NPAS3: variants seen among roughly 807,000 people sequenced by gnomAD.
NPAS3 encodes the protein neuronal PAS domain-containing protein 3.
A neutral mutation model predicts 73.1 loss-of-function variants in NPAS3; 14 were observed. The observed-to-expected ratio is 0.19, with a 90% CI of 0.13 to 0.30. NPAS3 has a LOEUF of 0.30. Among genes scored for constraint, NPAS3 ranks in the 10% least tolerant of loss-of-function variants. NPAS3 has a pLI of 1.00. For synonymous variants in NPAS3, 620 were observed against 541.5 expected (o/e 1.14, Z -2.01); for missense variants, 1,096 against 1,250.0 (o/e 0.88, Z 1.86).
intron 4 of NPAS3, among the ~76,000 whole-genome samples, chr14:33,433,730 C>A (rs1177218078): frequency 6.6e-6 from 1 of 152,216 alleles, no homozygotes; most frequent in African/African-American, 2.4e-5. Flanking sequence ...AATAGCTCAT[C>A]TTTCAGACTT....
chr14:33,073,397 G>A (rs1214009511), intron 2 of NPAS3, among the ~76,000 whole-genome samples: 1 of 152,120 alleles, frequency 6.6e-6, no homozygotes, highest in Non-Finnish European at 1.5e-5. Flanking sequence ...GAGTTAAAAA[G>A]GTAGAACTCT....
intron 3 of NPAS3, among the ~76,000 whole-genome samples, chr14:33,228,973 A>C (rs2047741457): frequency 6.6e-6 from 1 of 152,170 alleles, no homozygotes; most frequent in Non-Finnish European, 1.5e-5. Context: ...CCAGGTCTAT[A>C]TTTTAGATAT....
At chr14:33,319,456 G>T (rs898627856) in intron 3 of NPAS3, among the ~76,000 whole-genome samples, 1 of 152,032 alleles carries the variant, frequency 6.6e-6, no homozygotes. Context: ...GTATAATGGC[G>T]AGTAAGAGAC....
chr14:33,521,780 A>G (rs186453523), intron 4 of NPAS3, among the ~76,000 whole-genome samples: 114 of 152,270 alleles, frequency 7.5e-4, no homozygotes, highest in Non-Finnish European at 3.8e-4. Context: ...TACACAAAAG[A>G]TGTGCCTTCT....
At chr14:33,784,633 C>T (rs904424739) in intron 9 of NPAS3, among the ~76,000 whole-genome samples, 1 of 152,004 alleles carries the variant, frequency 6.6e-6, no homozygotes, top group Middle Eastern at 3.4e-3. Context: ...TTTGATTTGA[C>T]TGACAAATTC....
intron 1 of NPAS3, among the ~76,000 whole-genome samples, chr14:33,035,258 T>C (rs1396488805): frequency 6.6e-6 from 1 of 152,232 alleles, no homozygotes; most frequent in Non-Finnish European, 1.5e-5. Flanking sequence ...AAATTGACAG[T>C]GATCTCTTTG....
At chr14:33,585,457 C>G (rs1225959193) in intron 5 of NPAS3, among the ~76,000 whole-genome samples, 1 of 152,178 alleles carries the variant, frequency 6.6e-6, no homozygotes, top group Non-Finnish European at 1.5e-5. Context: ...GTCACATTTT[C>G]ACGCTTCATT....
chr14:33,196,293 A>G (rs1316771387), intron 2 of NPAS3, among the ~76,000 whole-genome samples: 3 of 152,160 alleles, frequency 2.0e-5, no homozygotes, highest in Non-Finnish European at 4.4e-5. Context: ...TCACTTTTAT[A>G]CATACATTAG....
At chr14:33,645,227 C>T (rs577227519) in intron 5 of NPAS3, among the ~76,000 whole-genome samples, 2 of 152,258 alleles carry the variant, frequency 1.3e-5, no homozygotes, top group African/African-American at 4.8e-5. Flanking sequence ...GTACCTGATA[C>T]TTAGTTCCTC....
intron 4 of NPAS3, among the ~76,000 whole-genome samples, chr14:33,400,193 A>G (rs1432170098): frequency 6.6e-6 from 1 of 152,176 alleles, no homozygotes; most frequent in Non-Finnish European, 1.5e-5. Context: ...TTCATTTTAT[A>G]CTAAGTGCCT....
intron 2 of NPAS3, among the ~76,000 whole-genome samples, chr14:33,062,726 C>T (rs908458742): frequency 5.9e-5 from 9 of 152,208 alleles, no homozygotes; most frequent in Non-Finnish European, 1.3e-4. Flanking sequence ...TTTGTAGGCA[C>T]GCTGTTGAAC....
chr14:33,723,494 G>C (rs963144067), intron 6 of NPAS3, among the ~76,000 whole-genome samples: 1 of 152,016 alleles, frequency 6.6e-6, no homozygotes, highest in Admixed American at 6.6e-5. Flanking sequence ...ACTCTCCTTA[G>C]CCACTAACTT....
At chr14:33,560,721 G>A (rs1157635214) in intron 5 of NPAS3, among the ~76,000 whole-genome samples, 2 of 152,128 alleles carry the variant, frequency 1.3e-5, no homozygotes, top group South Asian at 2.1e-4. Context: ...GCTGAAAGAT[G>A]ATTTCATAAA....
At chr14:33,139,943 AT>A (rs34900907) in intron 2 of NPAS3, among the ~76,000 whole-genome samples, 3 of 150,096 alleles carry the variant, frequency 2.0e-5, no homozygotes, top group Admixed American at 6.6e-5. Context: ...TGCCTGCATG[AT>A]TTTTTTTTTC....
At chr14:33,468,703 A>G (rs1424315292) in intron 4 of NPAS3, among the ~76,000 whole-genome samples, 1 of 152,158 alleles carries the variant, frequency 6.6e-6, no homozygotes, top group Non-Finnish European at 1.5e-5. Flanking sequence ...TTATTACAAG[A>G]GTGGTCATCG....
chr14:33,397,978 A>G (rs1326044949), intron 4 of NPAS3, among the ~76,000 whole-genome samples: 3 of 152,124 alleles, frequency 2.0e-5, no homozygotes, highest in Non-Finnish European at 4.4e-5. Context: ...TCATTTTACT[A>G]AGTTCAGCCA....
intron 5 of NPAS3, among the ~76,000 whole-genome samples, chr14:33,655,700 G>A (rs1045131958): frequency 1.1e-4 from 16 of 151,998 alleles, no homozygotes; most frequent in African/African-American, 2.2e-4. Context: ...GTTTGCTTTC[G>A]CCTTGTTGTT....
intron 5 of NPAS3, among the ~76,000 whole-genome samples, chr14:33,631,830 C>T (rs1408127197): frequency 6.6e-6 from 1 of 152,100 alleles, no homozygotes; most frequent in Non-Finnish European, 1.5e-5. Flanking sequence ...ATTTGATGGT[C>T]GTGGCAACAA....
intron 5 of NPAS3, among the ~76,000 whole-genome samples, chr14:33,585,644 C>T (rs999539792): frequency 6.6e-6 from 1 of 152,182 alleles, no homozygotes; most frequent in African/African-American, 2.4e-5. Context: ...AGATACATGA[C>T]TCTTATATTA....
Sources: allele counts gnomAD v4.1 joint callset (sites outside exome capture counted in the v4.1 genomes callset), GRCh38; gene constraint gnomAD v4.1.1; transcripts MANE v1.5; gene names NCBI Gene and HGNC (gene_info 2026-07-23, HGNC 2026-07-21).